The following RHOH variants were observed in gnomAD, a reference collection of about 807,000 sequenced individuals.
RHOH encodes the protein ras homolog family member H, also known as rho-related GTP-binding protein RhoH.
A neutral mutation model predicts 13.8 loss-of-function variants in RHOH; 6 were observed. The ratio of observed to expected loss-of-function variants is 0.44; its 90% confidence interval spans 0.24 to 0.86. The LOEUF (loss-of-function observed/expected upper bound fraction) is 0.86, where lower values mean the gene tolerates loss of function less well. Among genes scored for constraint, RHOH ranks in the 40% least tolerant of loss-of-function variants. The pLI is 0.24. For missense variants in RHOH, 147 were observed against 244.5 expected (o/e 0.60, Z 2.66); for synonymous variants, 117 against 103.0 (o/e 1.14, Z -0.82).
intron 1 of RHOH, among the ~76,000 whole-genome samples, chr4:40,205,264 C>T (rs182609112): frequency 6.6e-5 from 10 of 152,054 alleles, no homozygotes; most frequent in African/African-American, 2.4e-4. Flanking sequence ...ACTCAGTTTA[C>T]AAGAAAAAGA....
intron 1 of RHOH, among the ~76,000 whole-genome samples, chr4:40,213,371 TTTCTC>T (rs1369362874): frequency 1.3e-5 from 2 of 151,180 alleles, no homozygotes; most frequent in Non-Finnish European, 1.5e-5. Context: ...TTTTTTTTTT[TTTCTC>T]TCTCTCTCTC....
intron 1 of RHOH, chr4:40,200,644 T>A (rs1483388865): frequency 6.6e-6 from 1 of 152,224 alleles, no homozygotes; most frequent in Non-Finnish European, 1.5e-5. Flanking sequence ...GCAAGTATTT[T>A]CCTTTGTTTT....
chr4:40,196,714 T>A (rs1996556), upstream of RHOH, among the ~76,000 whole-genome samples: 1 of 124,880 alleles, frequency 8.0e-6, no homozygotes, highest in African/African-American at 3.3e-5. Context: ...TTTTTTTTGG[T>A]AATTTTACTT....
chr4:40,233,267 A>T (rs1453349173), intron 1 of RHOH, among the ~76,000 whole-genome samples: 1 of 152,052 alleles, frequency 6.6e-6, no homozygotes, highest in Non-Finnish European at 1.5e-5. Context: ...ACCAACTCAC[A>T]CCAGGTAGGC....
At chr4:40,236,233 C>CA (rs1728558776) in intron 1 of RHOH, among the ~76,000 whole-genome samples, 1 of 152,188 alleles carries the variant, frequency 6.6e-6, no homozygotes, top group Non-Finnish European at 1.5e-5. Flanking sequence ...GTGATTGTGA[C>CA]ATGATAATCT....
chr4:40,196,216 C>T (rs1415371031), upstream of RHOH, among the ~76,000 whole-genome samples: 4 of 152,160 alleles, frequency 2.6e-5, no homozygotes, highest in African/African-American at 4.8e-5. Flanking sequence ...TCCTTACGGT[C>T]GGCAGGTATT....
intron 1 of RHOH, among the ~76,000 whole-genome samples, chr4:40,234,364 G>A (rs758985150): frequency 6.6e-6 from 1 of 152,168 alleles, no homozygotes; most frequent in Non-Finnish European, 1.5e-5. Context: ...GAGTTTCTAA[G>A]GGTGCTCTGG....
At chr4:40,242,943 ATTTGTGTGTG>A in intron 2 of RHOH, 109 bp downstream of exon 2, 1 of 131,516 alleles carries the variant, frequency 7.6e-6, no homozygotes, top group East Asian at 1.5e-4. Flanking sequence ...ACCGGGAGGC[ATTTGTGTGTG>A]TGTGTGTGTG....
chr4:40,223,963 G>A (rs1300318540), intron 1 of RHOH, among the ~76,000 whole-genome samples: 1 of 151,822 alleles, frequency 6.6e-6, no homozygotes, highest in Non-Finnish European at 1.5e-5. Flanking sequence ...GTAGAGACAG[G>A]GTTTCTCCAT....
intron 1 of RHOH, among the ~76,000 whole-genome samples, chr4:40,201,945 GTTTTTTTTTTT>G (rs1179441198): frequency 1.8e-5 from 2 of 109,052 alleles, no homozygotes; most frequent in Non-Finnish European, 3.7e-5. Context: ...AACTCCATGA[GTTTTTTTTTTT>G]TTTTTTTTTT....
At chr4:40,194,692 A>G (rs1722945659), upstream of RHOH, among the ~76,000 whole-genome samples, 1 of 152,154 alleles carries the variant, frequency 6.6e-6, no homozygotes, top group South Asian at 2.1e-4. Context: ...GTCATTTTTC[A>G]TCTCTGGATA....
Position 40,244,226 on chromosome 4 carries a change from G to A in RHOH, c.*264G>A. On this transcript the variant is annotated 3_prime_UTR_variant, in exon 3 of 3. Transcript: ENST00000381799. ...CATCTTTGATTAAAAAAGTGAAATA[G>A]TCTCCATAATTTTGGACGATGAAGT... The A allele has an allele frequency of 8.3e-6, 3 of 362,056 alleles. No individual in the cohort carries two copies. Among genetic ancestry groups the A allele is most frequent in the East Asian group, 4.3e-5 (1 of 23,420 alleles). 22.4% of individuals were successfully genotyped at this position (362,056 alleles called of 1,614,324 possible).
intron 1 of RHOH, among the ~76,000 whole-genome samples, chr4:40,214,044 A>G (rs1173328314): frequency 6.6e-6 from 1 of 152,204 alleles, no homozygotes; most frequent in Non-Finnish European, 1.5e-5. Context: ...GGTGTGAGCC[A>G]CTGTGCCTGG....
chr4:40,232,282 T>C (rs2109518886), intron 1 of RHOH, among the ~76,000 whole-genome samples: 1 of 152,120 alleles, frequency 6.6e-6, no homozygotes, highest in South Asian at 2.1e-4. Flanking sequence ...TGGAGTGCAG[T>C]GGTGTGATAA....
chr4:40,218,454 G>C lies in RHOH; in HGVS notation c.-331+21154G>C, dbSNP rs747791103. ...AGTCTTGGAAATCAGACACGTGCTA[G>C]GGCCCCCTGTGCTTAGCTCGGCTAA... On this transcript the variant is annotated intron_variant, in intron 1 of 2. Coordinates refer to ENST00000381799, the MANE Select transcript of RHOH (RefSeq NM_004310.5). The surrounding 1 kb of genome is among the most constrained non-coding windows in gnomAD (Gnocchi z 4.1). Among the ~76,000 whole-genome samples, 6 of 152,210 alleles carry C rather than the reference G, an allele frequency of 3.9e-5. No individual in the cohort carries two copies. The highest frequency in any genetic ancestry group is 5.9e-5 in the Non-Finnish European group (4 of 68,030).
intron 1 of RHOH, among the ~76,000 whole-genome samples, chr4:40,238,945 A>C (rs1013924282): frequency 6.6e-6 from 1 of 152,144 alleles, no homozygotes; most frequent in Admixed American, 6.5e-5. Context: ...AACCCGCGGC[A>C]GCTCACTCCT....
intron 1 of RHOH, among the ~76,000 whole-genome samples, chr4:40,234,654 G>C (rs188522983): frequency 4.7e-4 from 72 of 151,968 alleles, no homozygotes; most frequent in Admixed American, 4.3e-3. Context: ...CAACTATAAA[G>C]GGGTTTAATA....
At chr4:40,193,427 C>T (rs1006307889), upstream of RHOH, among the ~76,000 whole-genome samples, 1 of 147,010 alleles carries the variant, frequency 6.8e-6, no homozygotes, top group Non-Finnish European at 1.5e-5. Context: ...GCGTTTGCTT[C>T]CTCCCCTCAC....
chr4:40,233,380 C>A (rs544695441), intron 1 of RHOH, among the ~76,000 whole-genome samples: 1 of 152,150 alleles, frequency 6.6e-6, no homozygotes, highest in East Asian at 1.9e-4. Flanking sequence ...CAGTATGGTT[C>A]CAGAGTCTGT....
Sources: gnomAD v4.1 joint callset for allele counts (sites outside exome capture counted in the v4.1 genomes callset) on GRCh38, gnomAD v4.1.1 for gene constraint, Gnocchi (gnomAD v3.1) non-coding constraint, MANE v1.5 for transcripts, NCBI Gene and HGNC (gene_info 2026-07-23, HGNC 2026-07-21) for gene names.